NBPF20: variants seen among roughly 807,000 people sequenced by gnomAD.
NBPF20 encodes NBPF member 20, also known as NBPF family member NBPF20.
A neutral mutation model predicts 68.1 loss-of-function variants in NBPF20; 90 were observed. The ratio of observed to expected loss-of-function variants is 1.32; its 90% CI spans 1.11 to 1.58. The LOEUF is 1.58. NBPF20 is among the 40% of genes most tolerant of loss of function. The pLI, the probability that NBPF20 is intolerant of heterozygous loss-of-function variation, is 0.00. For missense variants in NBPF20, 816 were observed against 601.2 expected, an observed-to-expected ratio of 1.36 and a Z score of -3.74; for synonymous variants, 290 against 228.1, an observed-to-expected ratio of 1.27 and a Z score of -2.45.
At position 145,292,642 on chromosome 1, in the gene NBPF20, C is replaced by A. The variant is rs1482353078; in HGVS notation, c.16589-153G>T. On this transcript the variant is annotated intron_variant, in intron 136 of 137. Coordinates refer to ENST00000369373, the Ensembl canonical transcript of NBPF20. Reference sequence around the variant, plus strand: ...TATTTCAGGAGGCCTGAAGGCTGTTCATGATAGAACTTCCTCGGTTTTTCT... The same window carrying A: ...TATTTCAGGAGGCCTGAAGGCTGTTAATGATAGAACTTCCTCGGTTTTTCT... Among the ~76,000 whole-genome samples the A allele has an allele frequency of 2.0e-5, 3 of 148,300 alleles. 1 individual carries two copies. The highest frequency in any genetic ancestry group is 5.2e-5 in the African/African-American group (2 of 38,306).
At chr1:145,413,818 CTGTT>C in the NBPF20 span, among the ~76,000 whole-genome samples, 1 of 113,584 alleles carries the variant, frequency 8.8e-6, no homozygotes, top group Non-Finnish European at 1.8e-5. Flanking sequence ...GGCAGATAAG[CTGTT>C]TGTTCAGTTT....
chr1:145,425,435 C>T, the NBPF20 span, among the ~76,000 whole-genome samples: 1 of 152,216 alleles, frequency 6.6e-6, no homozygotes, highest in Admixed American at 6.5e-5. Context: ...CGGCCCGCTC[C>T]TGGCGCCACA....
At chr1:145,411,387 CTTTTTT>C in the NBPF20 span, among the ~76,000 whole-genome samples, 2 of 106,166 alleles carry the variant, frequency 1.9e-5, no homozygotes, top group Non-Finnish European at 3.8e-5. Flanking sequence ...GTTGACTTTC[CTTTTTT>C]TTTTTTTTTT....
At position 145,292,424 on chromosome 1, in the gene NBPF20, C is replaced by G. The variant is rs782182500; in HGVS notation, c.16654G>C (p.Gly5552Arg). 5 of 698,872 alleles carry G rather than the reference C, an allele frequency of 7.2e-6. 1 individual carries two copies. The highest frequency in any genetic ancestry group is 4.5e-5 in the South Asian group (3 of 66,182). The allele number at this position is 698,872 out of a possible 1,614,324, so 43.3% of individuals were successfully genotyped here. ...TGATCTTCTTCCCCTTCTTTTCTTC[C>G]CCTTCTTCTTTTCTTCTTTGATCTT... The change falls in exon 137 of 138, where the codon GGA becomes CGA. Residue 5552 changes from glycine (G) to arginine (R), a missense_variant. By Grantham distance (125) the Gly-to-Arg change is moderately radical. Coordinates refer to ENST00000369373, the Ensembl canonical transcript of NBPF20.
the NBPF20 span, among the ~76,000 whole-genome samples, chr1:145,422,147 C>T: frequency 1.3e-5 from 2 of 149,698 alleles, no homozygotes; most frequent in African/African-American, 4.9e-5. Context: ...TATTTAGGTA[C>T]GATCCATAAA....
chr1:145,410,592 C>T, the NBPF20 span, among the ~76,000 whole-genome samples: 2 of 150,920 alleles, frequency 1.3e-5, no homozygotes, highest in African/African-American at 2.4e-5. Flanking sequence ...GGATTACAGG[C>T]GTGAGCCACC....
chr1:145,405,386 C>A (rs112788576), intron 1 of NBPF20, 24 bp downstream of exon 6: 7 of 1,522,782 alleles, frequency 4.6e-6, no homozygotes, highest in Admixed American at 1.9e-5. Context: ...TGAGGGATGT[C>A]AGTAACTGAA....
the NBPF20 span, among the ~76,000 whole-genome samples, chr1:145,414,453 T>C: frequency 6.9e-6 from 1 of 145,826 alleles, no homozygotes; most frequent in Admixed American, 6.8e-5. Flanking sequence ...ACTCTTTCAT[T>C]ATCTGTAGTG....
At chr1:145,292,513 A>G in intron 136 of NBPF20, 24 bp from the exon 142 acceptor site, 1 of 697,456 alleles carries the variant, frequency 1.4e-6, no homozygotes, top group South Asian at 1.5e-5. Context: ...AGACATGGAC[A>G]GACACATTAA....
rs1218246715 is a variant in NBPF20 at position 145,393,426 on chromosome 1, AAG to A, written c.1044-182_1044-181del. Reference sequence around the variant, plus strand: ...ACTAGGGCCAGGTAGAAAAGGATGAAAGAGAGAGACACACACTCACACACACA... The same window carrying A: ...ACTAGGGCCAGGTAGAAAAGGATGAAAGAGAGACACACACTCACACACACA... On this transcript the variant is annotated intron_variant, in intron 9 of 137. Transcript: ENST00000369373. Among the ~76,000 whole-genome samples the A allele has an allele frequency of 1.6e-3, 243 of 148,398 alleles. 1 individual carries two copies. Among genetic ancestry groups the A allele is most frequent in the Admixed American group, 2.6e-3 (38 of 14,672 alleles).
intron 8 of NBPF20, among the ~76,000 whole-genome samples, chr1:145,394,649 C>T (rs1571362778): frequency 2.0e-5 from 3 of 152,026 alleles, no homozygotes; most frequent in African/African-American, 7.3e-5. Context: ...ACATTTAATT[C>T]AGATGAGCTG....
chr1:145,397,839 C>A (rs1662333143), intron 7 of NBPF20, among the ~76,000 whole-genome samples: 2 of 152,106 alleles, frequency 1.3e-5, no homozygotes, highest in Admixed American at 6.5e-5. Context: ...TCAGGAAACC[C>A]ATCTCACATG....
At chr1:145,400,281 C>T in intron 6 of NBPF20, 108 bp downstream of exon 11, 8 of 1,589,204 alleles carry the variant, frequency 5.0e-6, no homozygotes, top group Non-Finnish European at 6.9e-6. Context: ...GTTTAGAAAC[C>T]CATCACAGTT....
At chr1:145,292,465 T>G (rs782524930) in exon 137 of NBPF20, 2 of 713,500 alleles carry the variant, frequency 2.8e-6, no homozygotes, top group South Asian at 1.4e-5. Flanking sequence ...CCTTCTTTTC[T>G]TCCCCTTCCC....
At position 145,404,725 on chromosome 1, in the gene NBPF20, T is replaced by G. The variant is rs587658049; in HGVS notation, c.175+373A>C. 1.3e-4 allele frequency among the ~76,000 whole-genome samples: 20 copies of G among 152,264 alleles called. No individual in the cohort carries two copies. The East Asian group carries it at 1.9e-3, about 15-fold the overall frequency. ...GGCCTCAACAGAAACTTGAACTGAA[T>G]AAAAGTTCACTAGTCCTAGACATTT... On this transcript the variant is annotated intron_variant, in intron 2 of 137. Transcript: ENST00000369373.
chr1:145,409,690 C>T (rs1553668518), upstream of NBPF20, among the ~76,000 whole-genome samples: 1 of 151,124 alleles, frequency 6.6e-6, no homozygotes, highest in East Asian at 1.9e-4. Context: ...TAAGGGCCCC[C>T]AGCACCTAGA....
At chr1:145,405,477 G>A (rs1360927616) in exon 1 of NBPF20, 4 of 1,535,682 alleles carry the variant, frequency 2.6e-6, no homozygotes, top group Admixed American at 2.0e-5. Context: ...AAGGTTCAAG[G>A]TGCCTCAACT....
the NBPF20 span, among the ~76,000 whole-genome samples, chr1:145,416,131 C>A: frequency 6.6e-6 from 1 of 150,650 alleles, no homozygotes; most frequent in Non-Finnish European, 1.5e-5. Context: ...AACTCCATCT[C>A]CAAAAAAAAA....
the NBPF20 span, among the ~76,000 whole-genome samples, chr1:145,420,016 G>A: frequency 6.6e-6 from 1 of 151,636 alleles, no homozygotes; most frequent in Non-Finnish European, 1.5e-5. Context: ...ACATCTAGAG[G>A]GCACTGCCTA....
Sources: allele counts gnomAD v4.1 joint callset (sites outside exome capture counted in the v4.1 genomes callset), GRCh38; gene constraint gnomAD v4.1.1; transcripts MANE v1.5; gene names NCBI Gene and HGNC (gene_info 2026-07-23, HGNC 2026-07-21).